ME1: variants seen among roughly 807,000 people sequenced by gnomAD.
The protein encoded by ME1 is NADP-dependent malic enzyme.
In ME1, 74 loss-of-function variants were observed where a neutral mutation model predicts 66.4. The observed-to-expected ratio is 1.11, with a 90% confidence interval of 0.92 to 1.35. The LOEUF (loss-of-function observed/expected upper bound fraction) is 1.35. Among genes scored for constraint, ME1 ranks in the 40% most tolerant of loss-of-function variants. ME1 has a pLI of 0.00. For missense variants in ME1, 750 were observed against 694.1 expected (o/e 1.08, Z -0.90); for synonymous variants, 251 against 235.6 (o/e 1.07, Z -0.60).
At chr6:83,361,015 G>T (rs1768997833) in intron 3 of ME1, among the ~76,000 whole-genome samples, 1 of 152,194 alleles carries the variant, frequency 6.6e-6, no homozygotes, top group South Asian at 2.1e-4. Flanking sequence ...TACCTCAGGG[G>T]TTATCAACTC....
chr6:83,394,331 G>C (rs1308818733), intron 3 of ME1, among the ~76,000 whole-genome samples: 1 of 152,042 alleles, frequency 6.6e-6, no homozygotes, highest in African/African-American at 2.4e-5. Flanking sequence ...ATAAAGAAAA[G>C]ATAAATATTT....
chr6:83,234,978 G>C (rs936364627), intron 9 of ME1, among the ~76,000 whole-genome samples: 4 of 152,052 alleles, frequency 2.6e-5, no homozygotes, highest in African/African-American at 9.7e-5. Flanking sequence ...ATAGAACTTT[G>C]AAGATCTAAA....
intron 5 of ME1, among the ~76,000 whole-genome samples, chr6:83,333,990 G>C (rs975125862): frequency 1.3e-5 from 2 of 151,876 alleles, no homozygotes; most frequent in African/African-American, 4.9e-5. Context: ...GAACAGCTCT[G>C]GTCTACAGCT....
intron 3 of ME1, among the ~76,000 whole-genome samples, chr6:83,391,127 ATT>A (rs1183373573): frequency 1.3e-5 from 2 of 152,014 alleles, no homozygotes; most frequent in Admixed American, 1.3e-4. Flanking sequence ...CCCAAATGAG[ATT>A]TTTTTACAGT....
At chr6:83,305,429 G>A (rs527525093) in intron 6 of ME1, among the ~76,000 whole-genome samples, 3 of 152,198 alleles carry the variant, frequency 2.0e-5, no homozygotes, top group African/African-American at 7.2e-5. Context: ...ATTACATAGG[G>A]TAGTCAGGGT....
At chr6:83,420,452 C>T (rs914258062) in intron 1 of ME1, among the ~76,000 whole-genome samples, 3 of 152,196 alleles carry the variant, frequency 2.0e-5, no homozygotes, top group Non-Finnish European at 2.9e-5. Context: ...GAGAAGCCTA[C>T]GTTCCTGATG....
Position 83,407,817 on chromosome 6 carries a change from C to T in ME1, c.163G>A (p.Val55Ile). The part of the protein sequence containing the change: ...PPSFNSQEIQ[V>I]LRVVKNFEHL... ...TCGAAATTTTTTACTACTCTAAGAACCTGGATCTCCTGACTGTTGAAGGAA... is the reference window on the plus strand; with the variant it reads ...TCGAAATTTTTTACTACTCTAAGAATCTGGATCTCCTGACTGTTGAAGGAA... The change falls in exon 2 of 14, where the codon GTT becomes ATT. Residue 55 changes from valine to isoleucine, a missense_variant. Physicochemically the swap from Val to Ile is conservative, Grantham distance 29. Coordinates refer to ENST00000369705, the MANE Select transcript of ME1 (RefSeq NM_002395.6). 1.2e-6 allele frequency: 2 copies of T among 1,612,728 alleles called. No homozygotes were observed. The highest frequency in any genetic ancestry group is 1.7e-4 in the Middle Eastern group (1 of 6,054).
intron 7 of ME1, among the ~76,000 whole-genome samples, chr6:83,250,224 A>G (rs1448079247): frequency 2.0e-5 from 3 of 152,034 alleles, no homozygotes. Flanking sequence ...ATTTCAAAGA[A>G]AATAACAGGA....
intron 3 of ME1, chr6:83,393,384 C>A (rs923647912): frequency 5.8e-5 from 44 of 758,426 alleles, no homozygotes; most frequent in African/African-American, 1.4e-4. Flanking sequence ...TGGACCTCTG[C>A]CCACAGTGTG....
Position 83,317,857 on chromosome 6 carries a change from C to T in ME1, c.601-2444G>A, listed in dbSNP as rs1768065699. Among the ~76,000 whole-genome samples, 3 of 151,992 alleles carry T rather than the reference C, an allele frequency of 2.0e-5. No homozygotes were observed. The South Asian group carries it at 6.2e-4, about 32-fold the overall frequency. On this transcript the variant is annotated intron_variant, in intron 5 of 13. Coordinates refer to ENST00000369705, the MANE Select transcript of ME1 (RefSeq NM_002395.6). The stretch of plus-strand genomic sequence containing the variant: ...CCGCACTGCCAAGTCAATCCTAAGC[C>T]AAAAGAACAAAGCTGGAGGCATCAC...
intron 3 of ME1, among the ~76,000 whole-genome samples, chr6:83,394,071 A>T (rs1350203396): frequency 6.6e-6 from 1 of 151,922 alleles, no homozygotes; most frequent in African/African-American, 2.4e-5. Flanking sequence ...TAATGAATAT[A>T]TAATTATTTG....
intron 4 of ME1, among the ~76,000 whole-genome samples, chr6:83,349,486 C>G (rs1347555097): frequency 6.6e-6 from 1 of 152,180 alleles, no homozygotes; most frequent in Non-Finnish European, 1.5e-5. Context: ...AAATTATTAT[C>G]TAGGCATTAC....
At chr6:83,363,663 A>G (rs1461625604) in intron 3 of ME1, among the ~76,000 whole-genome samples, 1 of 152,240 alleles carries the variant, frequency 6.6e-6, no homozygotes, top group East Asian at 1.9e-4. Flanking sequence ...ACCAACTACA[A>G]CCACATGACC....
At chr6:83,363,206 G>A (rs1175282139) in intron 3 of ME1, among the ~76,000 whole-genome samples, 3 of 152,096 alleles carry the variant, frequency 2.0e-5, no homozygotes, top group Non-Finnish European at 4.4e-5. Flanking sequence ...CGTTCTGCTG[G>A]CCTAGAGGTC....
In ME1 at chr6:83,385,538, C is replaced by T. The variant is rs753649450; in HGVS notation, c.362+12829G>A. ...AAATCTCTAGATGAATATGGAGAGCCGATGAACTGTTACTTTATATTTTTA... is the reference window on the plus strand; with the variant it reads ...AAATCTCTAGATGAATATGGAGAGCTGATGAACTGTTACTTTATATTTTTA... On this transcript the variant is annotated intron_variant, in intron 3 of 13. Coordinates refer to ENST00000369705, the MANE Select transcript of ME1 (RefSeq NM_002395.6). 9.3e-4 allele frequency among the ~76,000 whole-genome samples: 142 copies of T among 151,902 alleles called. 2 individuals carry two copies. Among genetic ancestry groups the T allele is most frequent in the African/African-American group, 3.1e-3 (128 of 41,362 alleles).
intron 6 of ME1, among the ~76,000 whole-genome samples, chr6:83,308,435 T>A (rs1767864752): frequency 6.6e-6 from 1 of 151,254 alleles, no homozygotes. Context: ...AAGCTGAAGC[T>A]GTCTCTATAT....
At chr6:83,408,016 C>T (rs2128552060) in intron 1 of ME1, 115 bp from the exon 2 acceptor site, 1 of 1,228,764 alleles carries the variant, frequency 8.1e-7, no homozygotes, top group Non-Finnish European at 1.1e-6. Flanking sequence ...GTCTGCGTCA[C>T]TGGAAGCATG....
chr6:83,278,295 T>C (rs1420108387), intron 6 of ME1, among the ~76,000 whole-genome samples: 1 of 152,194 alleles, frequency 6.6e-6, no homozygotes, highest in Non-Finnish European at 1.5e-5. Context: ...TAAAAACTAC[T>C]AGGAGGTCCA....
At chr6:83,323,333 C>T (rs1188528081) in intron 5 of ME1, among the ~76,000 whole-genome samples, 1 of 152,018 alleles carries the variant, frequency 6.6e-6, no homozygotes, top group East Asian at 1.9e-4. Context: ...GGGCTAAATG[C>T]CCCAGTTTGC....
Sources: gnomAD v4.1 joint callset for allele counts (sites outside exome capture counted in the v4.1 genomes callset) on GRCh38, gnomAD v4.1.1 for gene constraint, MANE v1.5 for transcripts, NCBI Gene and HGNC (gene_info 2026-07-23, HGNC 2026-07-21) for gene names.